Variants in KCNMB2 observed in about 807,000 individuals in gnomAD.
KCNMB2 encodes the protein potassium calcium-activated channel subfamily M regulatory beta subunit 2, also known as calcium-activated potassium channel subunit beta-2.
A neutral mutation model predicts 24.5 loss-of-function variants in KCNMB2; 9 were observed. The observed-to-expected ratio is 0.37, with a 90% CI of 0.22 to 0.64. The LOEUF is 0.64. KCNMB2 is among the 30% of genes least tolerant of loss of function. KCNMB2 has a pLI of 0.63. For synonymous variants in KCNMB2, 109 were observed against 104.4 expected (o/e 1.04, Z -0.27); for missense variants, 226 against 284.3 (o/e 0.79, Z 1.47).
intron 1 of KCNMB2, among the ~76,000 whole-genome samples, chr3:178,714,205 A>G: frequency 6.6e-6 from 1 of 152,158 alleles, no homozygotes. Context: ...TGGACTTACC[A>G]TGTATTTCAT....
At chr3:178,771,508 G>A (rs1336829995) in intron 1 of KCNMB2, among the ~76,000 whole-genome samples, 1 of 124,474 alleles carries the variant, frequency 8.0e-6, no homozygotes, top group African/African-American at 3.1e-5. Flanking sequence ...TTGAGACAGG[G>A]TCTCACTCTG....
intron 4 of KCNMB2, among the ~76,000 whole-genome samples, chr3:178,830,604 C>A (rs1375084177): frequency 6.6e-6 from 1 of 152,088 alleles, no homozygotes; most frequent in Non-Finnish European, 1.5e-5. Flanking sequence ...TCTTACTGCT[C>A]CAAATCTTTG....
chr3:178,723,010 T>TAA (rs201204655), intron 1 of KCNMB2, among the ~76,000 whole-genome samples: 4 of 151,630 alleles, frequency 2.6e-5, no homozygotes, highest in African/African-American at 4.8e-5. Flanking sequence ...TGTATCTTTG[T>TAA]AAAAAAAAAT....
At chr3:178,624,244 A>ATTT (rs35333167) in intron 1 of KCNMB2, among the ~76,000 whole-genome samples, 2 of 144,222 alleles carry the variant, frequency 1.4e-5, no homozygotes, top group African/African-American at 2.6e-5. Context: ...TTACTGGGTA[A>ATTT]TTTTTTTTTT....
chr3:178,583,045 TATGTTCATTTGGTTATA>T (rs1462396457), intron 1 of KCNMB2, among the ~76,000 whole-genome samples: 2 of 152,184 alleles, frequency 1.3e-5, no homozygotes, highest in Admixed American at 1.3e-4. Context: ...TAATTTTCTA[TATGTTCATTTGGTTATA>T]AGAGGAAACA....
At chr3:178,626,196 G>T (rs907288875) in intron 1 of KCNMB2, among the ~76,000 whole-genome samples, 1 of 152,174 alleles carries the variant, frequency 6.6e-6, no homozygotes, top group African/African-American at 2.4e-5. Context: ...AGGCAAAGGG[G>T]ACCTGGAGTC....
intron 1 of KCNMB2, among the ~76,000 whole-genome samples, chr3:178,661,126 G>A (rs1720512730): frequency 1.3e-5 from 2 of 151,836 alleles, no homozygotes; most frequent in African/African-American, 4.8e-5. Context: ...TCCTAATGCT[G>A]TCCCTCCCCT....
At chr3:178,692,231 G>GA (rs2108330399) in intron 1 of KCNMB2, among the ~76,000 whole-genome samples, 1 of 152,272 alleles carries the variant, frequency 6.6e-6, no homozygotes, top group East Asian at 1.9e-4. Flanking sequence ...TTGCTGTACA[G>GA]AAGCTCTTTA....
intron 1 of KCNMB2, among the ~76,000 whole-genome samples, chr3:178,662,313 C>T (rs1720560218): frequency 6.6e-6 from 1 of 152,134 alleles, no homozygotes; most frequent in Admixed American, 6.6e-5. Flanking sequence ...GGAGCCATGT[C>T]ATTACTTGGG....
At chr3:178,813,399 A>G (rs1714272342) in intron 2 of KCNMB2, among the ~76,000 whole-genome samples, 1 of 152,194 alleles carries the variant, frequency 6.6e-6, no homozygotes, top group African/African-American at 2.4e-5. Flanking sequence ...AATTATAATC[A>G]TACCTCTTAT....
intron 1 of KCNMB2, among the ~76,000 whole-genome samples, chr3:178,600,353 T>G (rs13060163): frequency 0.15 from 22,154 of 152,216 alleles, 1,758 homozygotes; most frequent in Middle Eastern, 0.26. Flanking sequence ...CTTGGCTATT[T>G]TGAATAATGC....
chr3:178,701,583 C>T (rs1244744436), intron 1 of KCNMB2, among the ~76,000 whole-genome samples: 1 of 151,588 alleles, frequency 6.6e-6, no homozygotes, highest in Non-Finnish European at 1.5e-5. Flanking sequence ...AAAAAACAAA[C>T]AACCCCATCA....
chr3:178,543,687 T>C (rs907627910), intron 1 of KCNMB2, among the ~76,000 whole-genome samples: 1 of 152,198 alleles, frequency 6.6e-6, no homozygotes, highest in Non-Finnish European at 1.5e-5. Context: ...AATTTCCGAT[T>C]CCTGAAGCTT....
At chr3:178,797,647 T>C (rs1418688928) in intron 1 of KCNMB2, among the ~76,000 whole-genome samples, 3 of 152,180 alleles carry the variant, frequency 2.0e-5, no homozygotes, top group Non-Finnish European at 4.4e-5. Context: ...TCGACTGATG[T>C]TGAAAAAGCA....
At chr3:178,603,619 A>G (rs568439962) in intron 1 of KCNMB2, among the ~76,000 whole-genome samples, 1 of 152,314 alleles carries the variant, frequency 6.6e-6, no homozygotes, top group Admixed American at 6.5e-5. Context: ...GAGAGGACCA[A>G]CAAGAGAGGG....
At chr3:178,579,258 T>A (rs1210071310) in intron 1 of KCNMB2, among the ~76,000 whole-genome samples, 1 of 152,160 alleles carries the variant, frequency 6.6e-6, no homozygotes, top group East Asian at 1.9e-4. Flanking sequence ...AACAACCTGC[T>A]CCTAAATGAC....
intron 2 of KCNMB2, among the ~76,000 whole-genome samples, chr3:178,823,023 T>C (rs1577215401): frequency 6.6e-6 from 1 of 152,244 alleles, no homozygotes; most frequent in East Asian, 1.9e-4. Flanking sequence ...AGCAGATTAT[T>C]ATTTTACAGC....
chr3:178,765,624 T>C (rs1413458355), intron 1 of KCNMB2, among the ~76,000 whole-genome samples: 1 of 80,840 alleles, frequency 1.2e-5, no homozygotes, highest in Non-Finnish European at 2.3e-5. Flanking sequence ...TTTGTGTGTG[T>C]GTGTGCACGC....
intron 1 of KCNMB2, among the ~76,000 whole-genome samples, chr3:178,555,761 G>A (rs920700869): frequency 1.3e-5 from 2 of 152,184 alleles, no homozygotes; most frequent in African/African-American, 4.8e-5. Context: ...TATCATCTCT[G>A]ACATTGAGGG....
Sources: gnomAD v4.1 joint callset for allele counts (sites outside exome capture counted in the v4.1 genomes callset) on GRCh38, gnomAD v4.1.1 for gene constraint, MANE v1.5 for transcripts, NCBI Gene and HGNC (gene_info 2026-07-23, HGNC 2026-07-21) for gene names.